GLRA2: variants seen among roughly 807,000 people sequenced by gnomAD.
GLRA2 encodes the protein glycine receptor subunit alpha-2.
GLRA2 carries 11 observed loss-of-function variants against 31.6 expected under a neutral mutation model. The observed-to-expected ratio is 0.35, with a 90% CI of 0.22 to 0.58. The LOEUF is 0.58. Ranked by LOEUF, GLRA2 falls within the 20% of genes least tolerant of loss-of-function variation. The pLI, the probability that GLRA2 is intolerant of heterozygous loss-of-function variation, is 0.84. For synonymous variants in GLRA2, 132 were observed against 134.0 expected (o/e 0.99, Z 0.10); for missense variants, 212 against 351.8 (o/e 0.60, Z 3.18).
At chrX:14,503,025 T>A in the GLRA2 span, among the ~76,000 whole-genome samples, 1 of 111,269 alleles carries the variant, frequency 9.0e-6, no homozygotes, top group African/African-American at 3.3e-5. Flanking sequence ...AGACTAAAAT[T>A]TTTCATTGCT....
At chrX:14,628,982 A>G (rs2090617067) in intron 7 of GLRA2, among the ~76,000 whole-genome samples, 1 of 111,561 alleles carries the variant, frequency 9.0e-6, no homozygotes, top group African/African-American at 3.3e-5. Context: ...AACAAGGGAG[A>G]GGTAGCTTAG....
chrX:14,708,867 C>T (rs976658871), intron 8 of GLRA2, among the ~76,000 whole-genome samples: 12 of 109,725 alleles, frequency 1.1e-4, no homozygotes, highest in South Asian at 3.9e-4. Context: ...ACCTGGGAGG[C>T]GGAGGTTGCG....
the GLRA2 span, among the ~76,000 whole-genome samples, chrX:14,474,881 G>T: frequency 8.9e-6 from 1 of 112,103 alleles, no homozygotes; most frequent in Non-Finnish European, 1.9e-5. Flanking sequence ...TGTTTGTGAA[G>T]GTCCTACTGG....
chrX:14,531,610 A>G (rs2089256896), intron 1 of GLRA2, among the ~76,000 whole-genome samples: 1 of 111,218 alleles, frequency 9.0e-6, no homozygotes, highest in South Asian at 3.7e-4. Flanking sequence ...TAAGCATATA[A>G]ATAACTGATA....
chrX:14,720,166 G>A (rs923102272), intron 8 of GLRA2, among the ~76,000 whole-genome samples: 21 of 111,198 alleles, frequency 1.9e-4, no homozygotes, highest in Non-Finnish European at 3.4e-4. Flanking sequence ...TTTTTTCAAA[G>A]AGCTAGAAGA....
intron 4 of GLRA2, among the ~76,000 whole-genome samples, chrX:14,593,118 G>A (rs1295191024): frequency 6.3e-5 from 7 of 111,836 alleles, no homozygotes; most frequent in African/African-American, 2.3e-4. Context: ...CATGCATAAT[G>A]TCACCATGGC....
chrX:14,506,181 TGTG>T, the GLRA2 span, among the ~76,000 whole-genome samples: 2 of 111,693 alleles, frequency 1.8e-5, no homozygotes, highest in East Asian at 2.8e-4. Context: ...GATTTTTTCT[TGTG>T]GTGGCATAAA....
At chrX:14,588,459 T>C (rs776431459) in intron 4 of GLRA2, among the ~76,000 whole-genome samples, 1 of 111,828 alleles carries the variant, frequency 8.9e-6, no homozygotes, top group Non-Finnish European at 1.9e-5. Flanking sequence ...TTTGTACCAG[T>C]ACCATGTTGT....
intron 7 of GLRA2, among the ~76,000 whole-genome samples, chrX:14,672,899 G>A (rs1263248866): frequency 9.0e-6 from 1 of 111,073 alleles, no homozygotes; most frequent in Non-Finnish European, 1.9e-5. Context: ...AGGCTTGAGC[G>A]CCCAGAGTGC....
intron 8 of GLRA2, among the ~76,000 whole-genome samples, chrX:14,717,548 A>G (rs2091806585): frequency 1.0e-5 from 1 of 95,843 alleles, no homozygotes; most frequent in South Asian, 4.1e-4. Flanking sequence ...GCCTGCTCTA[A>G]TATTTATTTG....
rs1157216404 is a variant in GLRA2 at position 14,609,181 on chromosome X, A to G, written c.906A>G (p.Ser302=). The change falls in exon 7 of 9, where the codon TCA becomes TCG. Residue 302 remains serine, a synonymous_variant. Transcript: ENST00000218075. The stretch of plus-strand genomic sequence containing the variant: ...TCTTAACGATGACCACCCAGAGTTC[A>G]GGCTCCAGGGCATCTCTGCCAAAGG... ...TTVLTMTTQS[S]GSRASLPKVS... The G allele has an allele frequency of 4.2e-6, 5 of 1,186,635 alleles. No homozygotes were observed. In the African/African-American group the frequency reaches 8.8e-5, roughly 21 times the overall value.
chrX:14,572,761 A>G (rs1033736474), intron 2 of GLRA2, among the ~76,000 whole-genome samples: 4 of 111,982 alleles, frequency 3.6e-5, no homozygotes, highest in African/African-American at 1.3e-4. Flanking sequence ...ATTTTTTAAA[A>G]TCACAATCAC....
the GLRA2 span, among the ~76,000 whole-genome samples, chrX:14,494,207 T>C: frequency 2.7e-5 from 3 of 111,795 alleles, no homozygotes; most frequent in South Asian, 3.7e-4. Flanking sequence ...ATAAATCCTA[T>C]TGAGGTGCTG....
chrX:14,541,877 T>C (rs960857481), intron 2 of GLRA2, among the ~76,000 whole-genome samples: 19 of 111,117 alleles, frequency 1.7e-4, no homozygotes, highest in African/African-American at 6.2e-4. Context: ...AATCAAAGGA[T>C]TTAGGATTTA....
the GLRA2 span, among the ~76,000 whole-genome samples, chrX:14,449,247 T>C: frequency 8.9e-6 from 1 of 112,168 alleles, no homozygotes; most frequent in African/African-American, 3.2e-5. Flanking sequence ...AGCTGCCAAG[T>C]GCCAGGACTG....
intron 8 of GLRA2, among the ~76,000 whole-genome samples, chrX:14,719,850 T>C (rs1420930455): frequency 8.9e-6 from 1 of 112,164 alleles, no homozygotes; most frequent in East Asian, 2.8e-4. Flanking sequence ...TCATACATAA[T>C]GGAGTACTAT....
intron 8 of GLRA2, among the ~76,000 whole-genome samples, chrX:14,698,370 T>A (rs190917264): frequency 0.025 from 2,802 of 110,639 alleles, 63 homozygotes; most frequent in African/African-American, 0.074. Context: ...AATTTTTTTT[T>A]AATTATTTAA....
intron 7 of GLRA2, among the ~76,000 whole-genome samples, chrX:14,682,883 T>TC (rs1302026080): frequency 9.0e-6 from 1 of 111,331 alleles, no homozygotes; most frequent in Non-Finnish European, 1.9e-5. Context: ...CATGAACTCA[T>TC]CCTTTTTTAT....
the GLRA2 span, among the ~76,000 whole-genome samples, chrX:14,522,580 C>T: frequency 8.9e-6 from 1 of 112,141 alleles, no homozygotes; most frequent in Non-Finnish European, 1.9e-5. Context: ...TCTATGGCAG[C>T]TATAGATTTA....
Sources: allele counts gnomAD v4.1 joint callset (sites outside exome capture counted in the v4.1 genomes callset), GRCh38; gene constraint gnomAD v4.1.1; transcripts MANE v1.5; gene names NCBI Gene and HGNC (gene_info 2026-07-23, HGNC 2026-07-21).